The following UBAP2 variants were observed in gnomAD, a reference collection of about 807,000 sequenced individuals.
UBAP2 encodes the protein ubiquitin associated protein 2.
Under a neutral mutation model 139.6 loss-of-function variants are expected in UBAP2, and 75 were observed. That is an observed-to-expected ratio of 0.54 (90% CI 0.45 to 0.65). The LOEUF (loss-of-function observed/expected upper bound fraction) is 0.65, where lower values mean the gene tolerates loss of function less well. Among genes scored for constraint, UBAP2 ranks in the 30% least tolerant of loss-of-function variants. UBAP2 has a pLI of 0.00. For synonymous variants in UBAP2, 526 were observed against 526.2 expected (o/e 1.00, Z 0.01); for missense variants, 1,368 against 1,369.6 (o/e 1.00, Z 0.02).
intron 1 of UBAP2, among the ~76,000 whole-genome samples, chr9:34,019,884 G>A (rs530483675): frequency 5.4e-4 from 82 of 151,972 alleles, no homozygotes; most frequent in African/African-American, 1.7e-3. Context: ...ATGTGCAGCC[G>A]GTCGCGGTGG....
chr9:33,923,802 G>T lies in UBAP2; in HGVS notation c.2789C>A (p.Thr930Asn). The change falls in exon 24 of 29, where the codon ACC becomes AAC. Residue 930 changes from threonine to asparagine, a missense_variant. Transcript: ENST00000379238. The stretch of plus-strand genomic sequence containing the variant: ...ACCCTCTGAAATACTCACAAACATG[G>T]TGGGGCCATACTGGAAGGCACTGGG... ...GMPSAFQYGP[T>N]MFVPPASAKQ... 1 of 1,614,152 alleles carries T rather than the reference G, an allele frequency of 6.2e-7. No homozygotes were observed. The highest frequency in any genetic ancestry group is 8.5e-7 in the Non-Finnish European group (1 of 1,180,012).
intron 1 of UBAP2, among the ~76,000 whole-genome samples, chr9:34,020,944 C>T (rs764220777): frequency 7.9e-5 from 12 of 151,982 alleles, no homozygotes; most frequent in Non-Finnish European, 1.3e-4. Context: ...TTACAGGACC[C>T]GGCCGGAATT....
intron 17 of UBAP2, among the ~76,000 whole-genome samples, chr9:33,934,699 G>A (rs567810902): frequency 3.3e-5 from 5 of 152,282 alleles, no homozygotes; most frequent in African/African-American, 9.6e-5. Context: ...GGGAAGGGGA[G>A]GAGGAAGTGA....
At chr9:34,019,090 A>G (rs1413576345) in intron 1 of UBAP2, among the ~76,000 whole-genome samples, 1 of 152,090 alleles carries the variant, frequency 6.6e-6, no homozygotes, top group Non-Finnish European at 1.5e-5. Flanking sequence ...TGCTAAGTGA[A>G]ATAAGCCAGT....
At chr9:34,043,342 T>C (rs144542195) in intron 1 of UBAP2, among the ~76,000 whole-genome samples, 4 of 152,162 alleles carry the variant, frequency 2.6e-5, no homozygotes, top group Admixed American at 2.6e-4. Flanking sequence ...AATTTTTGTA[T>C]TTTTAGTAAA....
intron 2 of UBAP2, among the ~76,000 whole-genome samples, chr9:34,006,043 C>CA (rs1823179464): frequency 6.6e-6 from 1 of 151,892 alleles, no homozygotes; most frequent in African/African-American, 2.4e-5. Flanking sequence ...CCAGCCTGGC[C>CA]ACCACAGTGA....
rs559569543 is a variant in UBAP2, at chr9:34,010,681, G to A, written c.99+6369C>T. On this transcript the variant is annotated intron_variant, in intron 2 of 28. Transcript: ENST00000379238. ...GACCATTTTCATAATAAAGCATTGT[G>A]GGGAGGGATTTTGGCAGACAGAAAA... Among the ~76,000 whole-genome samples, 10 of 152,230 alleles carry A rather than the reference G, an allele frequency of 6.6e-5. No homozygotes were observed. In the South Asian group the frequency reaches 1.4e-3, roughly 22 times the overall value.
At chr9:33,959,170 A>C (rs568482015) in intron 10 of UBAP2, among the ~76,000 whole-genome samples, 353 of 152,204 alleles carry the variant, frequency 2.3e-3, no homozygotes, top group Non-Finnish European at 4.0e-3. Context: ...AAAAAATTAA[A>C]GTACTTATTT....
At chr9:33,933,265 C>G (rs1476639782) in intron 18 of UBAP2, among the ~76,000 whole-genome samples, 1 of 152,124 alleles carries the variant, frequency 6.6e-6, no homozygotes, top group Non-Finnish European at 1.5e-5. Context: ...TCCCAGGGGA[C>G]CCAGTGCTCT....
At chr9:34,003,210 T>C (rs1822876566) in intron 2 of UBAP2, among the ~76,000 whole-genome samples, 1 of 151,808 alleles carries the variant, frequency 6.6e-6, no homozygotes, top group African/African-American at 2.4e-5. Context: ...TTTTTGGTTT[T>C]GGTAGAGACG....
rs1821837827 is a variant in UBAP2, at chr9:33,992,835, T to A, written c.288+3388A>T. Among the ~76,000 whole-genome samples the A allele has an allele frequency of 2.6e-5, 4 of 152,284 alleles. No homozygotes were observed. The South Asian group carries it at 8.3e-4, about 32-fold the overall frequency. On this transcript the variant is annotated intron_variant, in intron 4 of 28. Coordinates refer to ENST00000379238, the MANE Select transcript of UBAP2 (RefSeq NM_001370062.2). ...ATTTCCAAGAGAATTTCTGGCAACCTCTGTTATCGGTATTTTGCTAGTTGC... is the reference window on the plus strand; with the variant it reads ...ATTTCCAAGAGAATTTCTGGCAACCACTGTTATCGGTATTTTGCTAGTTGC...
chr9:33,980,301 C>T (rs1422275503), intron 6 of UBAP2, among the ~76,000 whole-genome samples: 4 of 116,268 alleles, frequency 3.4e-5, no homozygotes, highest in East Asian at 3.1e-4. Context: ...GGCGTGATCT[C>T]GGGTCACTAC....
At chr9:33,944,095 T>C (rs924513482) in intron 14 of UBAP2, among the ~76,000 whole-genome samples, 3 of 152,156 alleles carry the variant, frequency 2.0e-5, no homozygotes, top group African/African-American at 4.8e-5. Context: ...CCTCCAACTA[T>C]GGGATACAGC....
intron 1 of UBAP2, among the ~76,000 whole-genome samples, chr9:34,027,899 A>G (rs1825552264): frequency 6.6e-6 from 1 of 151,218 alleles, no homozygotes; most frequent in African/African-American, 2.4e-5. Flanking sequence ...TCTCAACTAA[A>G]TTAGGAGGCC....
intron 1 of UBAP2, among the ~76,000 whole-genome samples, chr9:34,039,403 G>A (rs1190759465): frequency 2.6e-5 from 4 of 152,178 alleles, no homozygotes; most frequent in African/African-American, 4.8e-5. Flanking sequence ...CGGTTTTGTC[G>A]AATAGAAAAG....
intron 1 of UBAP2, among the ~76,000 whole-genome samples, chr9:34,039,380 A>G (rs1564076304): frequency 6.6e-6 from 1 of 152,228 alleles, no homozygotes. Flanking sequence ...AGAACGGGCC[A>G]TGATGACGAT....
Position 33,922,627 on chromosome 9 carries a change from C to G in UBAP2, c.3265-28G>C, listed in dbSNP as rs1236010582. 6 of 1,607,616 alleles carry G rather than the reference C, an allele frequency of 3.7e-6. No individual in the cohort carries two copies. In the African/African-American group the frequency reaches 8.0e-5, roughly 21 times the overall value. ...GAGGAAGAGGAGAAGGGAAGGCTGT[C>G]AAGGCTGGAGCAGAACCCCTGGCCC... On this transcript the variant is annotated intron_variant, in intron 28 of 28. Coordinates refer to ENST00000379238, the MANE Select transcript of UBAP2 (RefSeq NM_001370062.2).
intron 1 of UBAP2, among the ~76,000 whole-genome samples, chr9:34,019,721 A>ACACG (rs1554691203): frequency 6.6e-6 from 1 of 151,122 alleles, no homozygotes; most frequent in East Asian, 1.9e-4. Context: ...ACACACACAC[A>ACACG]CACGCACAGA....
Position 33,941,677 on chromosome 9 carries a change from G to A in UBAP2, c.1901C>T (p.Ser634Leu). ...GATGGTTCCTGGAGCTGACTCTGAT[G>A]AACTCACAGGGCTTTGGTATGGGAT... ...NRIPYQSPVS[S>L]SESAPGTIMN... Residue 634 changes from serine to leucine, a missense_variant, in exon 16 of 29, where the codon TCA becomes TTA. Physicochemically the swap from Ser to Leu is moderately radical, Grantham distance 145. Coordinates refer to ENST00000379238, the MANE Select transcript of UBAP2 (RefSeq NM_001370062.2). 1 of 1,614,110 alleles carries A rather than the reference G, an allele frequency of 6.2e-7. No homozygotes were observed.
Sources: allele counts gnomAD v4.1 joint callset (sites outside exome capture counted in the v4.1 genomes callset), GRCh38; gene constraint gnomAD v4.1.1; transcripts MANE v1.5; gene names NCBI Gene and HGNC (gene_info 2026-07-23, HGNC 2026-07-21).